SNX20: variants seen among roughly 807,000 people sequenced by gnomAD.
SNX20 encodes sorting nexin-20.
SNX20 carries 21 observed loss-of-function variants against 24.5 expected under a neutral mutation model. That is an observed-to-expected ratio of 0.86 (90% CI 0.61 to 1.23). SNX20 has a LOEUF of 1.23. Ranked by LOEUF, SNX20 falls within the 50% of genes most tolerant of loss-of-function variation. The pLI, the probability that SNX20 is intolerant of heterozygous loss-of-function variation, is 0.00. For missense variants in SNX20, 433 were observed against 430.8 expected, an observed-to-expected ratio of 1.00 and a Z score of -0.04; for synonymous variants, 206 against 192.8, an observed-to-expected ratio of 1.07 and a Z score of -0.57.
chr16:50,670,011 C>T (rs1448409291), downstream of SNX20: 1 of 152,222 alleles, frequency 6.6e-6, no homozygotes, highest in Non-Finnish European at 1.5e-5. Flanking sequence ...AATCCCAGCT[C>T]AAAGTGGAGA....
intron 1 of SNX20, 87 bp from the exon 2 acceptor site, chr16:50,677,622 C>A: frequency 7.6e-7 from 1 of 1,308,124 alleles, no homozygotes; most frequent in Non-Finnish European, 1.0e-6. Flanking sequence ...GTGTCATGCC[C>A]CCTCCTGGCA....
At chr16:50,667,953 A>T, downstream of SNX20, 1 of 1,489,950 alleles carries the variant, frequency 6.7e-7, no homozygotes, top group Non-Finnish European at 9.2e-7. Context: ...CCACTCAAGG[A>T]CATACTGCGG....
chr16:50,668,606 G>A, downstream of SNX20: 2 of 1,016,590 alleles, frequency 2.0e-6, no homozygotes, highest in Non-Finnish European at 2.4e-6. Context: ...CTGTGGCATT[G>A]TTGGGCCCCA....
At chr16:50,667,098 C>T (rs1377582037), downstream of SNX20, 1 of 152,240 alleles carries the variant, frequency 6.6e-6, no homozygotes, top group Admixed American at 6.5e-5. Flanking sequence ...TCTGCACGGC[C>T]CACACACAGG....
At chr16:50,674,170 C>T in intron 3 of SNX20, 96 bp from the exon 4 acceptor site, 1 of 1,443,630 alleles carries the variant, frequency 6.9e-7, no homozygotes, top group Non-Finnish European at 9.1e-7. Context: ...CGGTGTAAAG[C>T]ATGCCCTGAA....
At chr16:50,668,543 A>G (rs914418682), downstream of SNX20, 37 of 1,019,202 alleles carry the variant, frequency 3.6e-5, no homozygotes, top group African/African-American at 4.3e-4. Context: ...GTAAATGTGC[A>G]TAAGTAAAAG....
chr16:50,667,916 G>A (rs1962952320), downstream of SNX20: 1 of 1,199,576 alleles, frequency 8.3e-7, no homozygotes, highest in Admixed American at 2.0e-5. Context: ...TACCATGGGG[G>A]CAACAGCTAG....
At chr16:50,669,004 G>A (rs1962978721), downstream of SNX20, 2 of 1,551,318 alleles carry the variant, frequency 1.3e-6, no homozygotes, top group East Asian at 2.4e-5. Flanking sequence ...GAGCTTCCTG[G>A]AATTTGGATG....
chr16:50,678,915 C>T (rs569510003), intron 1 of SNX20, among the ~76,000 whole-genome samples: 6 of 152,182 alleles, frequency 3.9e-5, no homozygotes, highest in Admixed American at 2.0e-4. Context: ...GTAGTACCCC[C>T]GCTTTTAGTG....
chr16:50,668,394 G>C, downstream of SNX20: 1 of 928,708 alleles, frequency 1.1e-6, no homozygotes, highest in Non-Finnish European at 1.4e-6. Context: ...TCAGGCTCAG[G>C]GCCTGTCTCA....
At chr16:50,676,072 C>T (rs1421470323) in intron 2 of SNX20, 151 bp from the exon 3 acceptor site, 3 of 843,764 alleles carry the variant, frequency 3.6e-6, no homozygotes, top group Admixed American at 3.7e-5. Context: ...ATTTATAGGC[C>T]CAATTGGGGC....
At chr16:50,667,996 C>A (rs761572285), downstream of SNX20, 1 of 1,551,110 alleles carries the variant, frequency 6.4e-7, no homozygotes, top group African/African-American at 1.4e-5. Flanking sequence ...AACGCTCGCT[C>A]CATCTGAGGG....
In SNX20 at chr16:50,673,933, T is replaced by C. The variant is rs776886872; in HGVS notation, c.424A>G (p.Arg142Gly). The change falls in exon 4 of 4, where the codon AGG (arginine) becomes GGG (glycine). Residue 142 changes from arginine to glycine, a missense_variant. Physicochemically the swap from Arg to Gly is moderately radical, Grantham distance 125. Transcript: ENST00000330943. The surrounding 1 kb of genome is among the most constrained non-coding windows in gnomAD (Gnocchi z 4.1). ...REEIEDVEFP[R>G]KHLTGNFAEE... ...GCGAAGTTCCCAGTCAGGTGCTTCC[T>C]GGGAAACTCCACGTCTTCGATCTCC... The C allele has an allele frequency of 6.2e-7, 1 of 1,612,912 alleles. No individual in the cohort carries two copies. Among genetic ancestry groups the C allele is most frequent in the Non-Finnish European group, 8.5e-7 (1 of 1,179,714 alleles).
intron 1 of SNX20, among the ~76,000 whole-genome samples, chr16:50,679,756 A>G (rs1161239364): frequency 2.0e-5 from 3 of 152,090 alleles, no homozygotes; most frequent in African/African-American, 7.2e-5. Flanking sequence ...TGGGTTCCCT[A>G]CATTCTGACT....
At chr16:50,668,480 G>T, downstream of SNX20, 1 of 873,436 alleles carries the variant, frequency 1.1e-6, no homozygotes, top group Non-Finnish European at 1.4e-6. Context: ...TCTAATTATA[G>T]CAAGTGATTC....
At chr16:50,667,616 T>A (rs74470268), downstream of SNX20, 1 of 246,664 alleles carries the variant, frequency 4.1e-6, no homozygotes, top group Non-Finnish European at 8.1e-6. Flanking sequence ...CTTTGGTTAC[T>A]GAGAAAACGA....
downstream of SNX20, chr16:50,668,675 TG>T: frequency 2.9e-6 from 3 of 1,046,642 alleles, no homozygotes; most frequent in Non-Finnish European, 3.5e-6. Flanking sequence ...ATGCAGTTGC[TG>T]CATGGGGGCC....
At position 50,677,379 on chromosome 16, in the gene SNX20, C is replaced by T; in HGVS notation, c.130+18G>A. 17 of 1,563,972 alleles carry T rather than the reference C, an allele frequency of 1.1e-5. No homozygotes were observed. Among genetic ancestry groups the T allele is most frequent in the Non-Finnish European group, 1.5e-5 (17 of 1,152,956 alleles). ...TTCAGACCTCTCCCCCAGACCGAGTCTCAAGCCTCAAGCCCACCTAAGTGC... is the reference window on the plus strand; with the variant it reads ...TTCAGACCTCTCCCCCAGACCGAGTTTCAAGCCTCAAGCCCACCTAAGTGC... On this transcript the variant is annotated intron_variant, in intron 2 of 3. Coordinates refer to ENST00000330943, the MANE Select transcript of SNX20 (RefSeq NM_182854.4).
Position 50,671,908 on chromosome 16 carries a change from C to T in SNX20, c.*1498G>A, listed in dbSNP as rs1963058488. On this transcript the variant is annotated 3_prime_UTR_variant, in exon 4 of 4. Coordinates refer to ENST00000330943, the MANE Select transcript of SNX20 (RefSeq NM_182854.4). ...CATAGCTGTCCACTTCTAGAGTGAT[C>T]ACTTGCTGGGCCAAGTTCCTCTCCT... 1 of 152,242 alleles carries T rather than the reference C, an allele frequency of 6.6e-6. No individual in the cohort carries two copies. Among genetic ancestry groups the T allele is most frequent in the Non-Finnish European group, 1.5e-5 (1 of 68,058 alleles). The allele number at this position is 152,242 out of a possible 1,614,324, so 9.4% of individuals were successfully genotyped here.
Sources: gnomAD v4.1 joint callset for allele counts (sites outside exome capture counted in the v4.1 genomes callset) on GRCh38, gnomAD v4.1.1 for gene constraint, Gnocchi (gnomAD v3.1) non-coding constraint, MANE v1.5 for transcripts, NCBI Gene and HGNC (gene_info 2026-07-23, HGNC 2026-07-21) for gene names.